CENPE: variants seen among roughly 807,000 people sequenced by gnomAD.
CENPE encodes centromere protein E.
In CENPE, 145 loss-of-function variants were observed where a neutral mutation model predicts 336.1. That is an observed-to-expected ratio of 0.43 (90% CI 0.38 to 0.50). CENPE has a LOEUF of 0.50. Ranked by LOEUF, CENPE falls within the 20% of genes least tolerant of loss-of-function variation. The probability of loss-of-function intolerance (pLI) is 0.00; values close to 1 mark genes in which losing one functional copy is unlikely to be tolerated. For missense variants in CENPE, 2,719 were observed against 3,023.3 expected (o/e 0.90, Z 2.36); for synonymous variants, 1,013 against 984.8 (o/e 1.03, Z -0.54).
At chr4:103,183,000 T>C (rs938681098) in intron 10 of CENPE, 109 bp from the exon 11 acceptor site, 20 of 1,188,710 alleles carry the variant, frequency 1.7e-5, no homozygotes, top group Non-Finnish European at 2.0e-5. Flanking sequence ...CAAAAATTAG[T>C]TTACAAGTTA....
Position 103,122,920 on chromosome 4 carries a change from T to C in CENPE, c.7094A>G (p.Asp2365Gly). 6.2e-7 allele frequency: 1 copy of C among 1,613,948 alleles called. No individual in the cohort carries two copies. Among genetic ancestry groups the C allele is most frequent in the Non-Finnish European group, 8.5e-7 (1 of 1,179,822 alleles). ...SGAQVNPTTQ[D>G]NKNPHVTSRA... ...TGATGTAACATGAGGATTCTTATTG[T>C]CTTGTGTGGTAGGATTAACCTGGGC... is the stretch of plus-strand genomic sequence containing the variant. Residue 2365 changes from aspartate (D) to glycine (G), a missense_variant, in exon 43 of 49, where the codon GAC becomes GGC. By Grantham distance (94) the Asp-to-Gly change is moderately conservative (BLOSUM62 -1). Around this residue, in one of 5 missense-constraint regions of CENPE, gnomAD observed 2,437 missense variants for 2,513.3 expected, o/e 0.97. Transcript: ENST00000265148.
chr4:103,108,934 T>C lies in CENPE; in HGVS notation c.7880A>G (p.Lys2627Arg), dbSNP rs1204012680. 1 of 1,613,832 alleles carries C rather than the reference T, an allele frequency of 6.2e-7. No homozygotes were observed. Among genetic ancestry groups the C allele is most frequent in the African/African-American group, 1.3e-5 (1 of 74,918 alleles). ...CACAGGATCTTGTAAATTCCGTTCCTTGCATTGAGAGGGTGTAATTTGTTT... is the reference window on the plus strand; with the variant it reads ...CACAGGATCTTGTAAATTCCGTTCCCTGCATTGAGAGGGTGTAATTTGTTT... ...KKKQITPSQCKERNLQDPVPK... is the reference protein window; with the variant it reads ...KKKQITPSQCRERNLQDPVPK... Residue 2627 changes from lysine (K) to arginine (R), a missense_variant, in exon 48 of 49, where the codon AAG becomes AGG. Physicochemically the swap from Lys to Arg is conservative, Grantham distance 26. Transcript: ENST00000265148.
At position 103,141,740 on chromosome 4, in the gene CENPE, A is replaced by T; in HGVS notation, c.5463+10T>A. 1.3e-6 allele frequency: 2 copies of T among 1,502,048 alleles called. No individual in the cohort carries two copies. Among genetic ancestry groups the T allele is most frequent in the South Asian group, 2.4e-5 (2 of 82,846 alleles). 93.0% of individuals were successfully genotyped at this position (1,502,048 alleles called of 1,614,324 possible). On this transcript the variant is annotated intron_variant, in intron 35 of 48. Coordinates refer to ENST00000265148, the MANE Select transcript of CENPE (RefSeq NM_001813.3). ...AGATATCCAATCAAACAATCCCCCC[A>T]TAAAAATACCTTTTCTTGTAATTTA...
rs900389839 is a variant in CENPE at position 103,176,994 on chromosome 4, T to C, written c.1295A>G (p.Lys432Arg). Reference sequence around the variant, plus strand: ...AAATTGATCTGCATAGTTTGAGTTCTTCATTTTGTTAATTTTGCCAAGGCA... The same window carrying C: ...AAATTGATCTGCATAGTTTGAGTTCCTCATTTTGTTAATTTTGCCAAGGCA... ...TWCLGKINKM[K>R]NSNYADQFNI... Residue 432 changes from lysine to arginine, a missense_variant, in exon 14 of 49, where the codon AAG becomes AGG. Transcript: ENST00000265148. The C allele has an allele frequency of 3.1e-6, 5 of 1,609,040 alleles. No homozygotes were observed.
intron 15 of CENPE, 87 bp from the exon 16 acceptor site, chr4:103,174,990 C>T (rs1755735618): frequency 5.2e-6 from 4 of 775,144 alleles, no homozygotes; most frequent in Non-Finnish European, 5.8e-6. Flanking sequence ...TAAATAACTA[C>T]TTTAACTTTG....
chr4:103,132,839 G>T lies in CENPE; in HGVS notation c.6778C>A (p.Gln2260Lys). The stretch of plus-strand genomic sequence containing the variant: ...ATTTCTTTCCTATTACTTAGTACTT[G>T]TTGAAATTCAGTCTTTATGCTAGGG... ...EFPSIKTEFQ[Q>K]VLSNRKEMTQ... is the part of the protein sequence containing the mutation. The change falls in exon 42 of 49, where the codon CAA (glutamine) becomes AAA (lysine). Residue 2260 changes from glutamine (Q) to lysine (K), a missense_variant. Gln to Lys is a moderately conservative substitution (Grantham distance 53, BLOSUM62 1). Around this residue, in one of 5 missense-constraint regions of CENPE, gnomAD observed 2,437 missense variants for 2,513.3 expected, o/e 0.97. Transcript: ENST00000265148. 6.4e-7 allele frequency: 1 copy of T among 1,568,750 alleles called. No individual in the cohort carries two copies. The highest frequency in any genetic ancestry group is 1.4e-5 in the African/African-American group (1 of 73,402).
At chr4:103,116,730 C>A (rs751637373) in intron 44 of CENPE, 41 bp from the exon 45 acceptor site, 1 of 1,042,738 alleles carries the variant, frequency 9.6e-7, no homozygotes, top group Non-Finnish European at 1.4e-6. Context: ...TTATTAGAGG[C>A]GCTTCAGTTT....
rs756045815 is a variant in CENPE, at chr4:103,180,469, C to G, written c.1084G>C (p.Val362Leu). Reference protein sequence around the residue: ...IMDLKKQLEEVSLETRAQAME... With the variant: ...IMDLKKQLEELSLETRAQAME... ...GCCTGAGCCCGCGTCTCTAAAGAAA[C>G]CTATAGAATGCAATATTGGATTATG... Residue 362 changes from valine (V) to leucine (L), a missense_variant and splice_region_variant, in exon 13 of 49, where the codon GTT (valine) becomes CTT (leucine). By Grantham distance (32) the Val-to-Leu change is conservative. This residue lies in a region of CENPE where 117 missense variants were observed against 215.8 expected (regional missense o/e 0.54). Transcript: ENST00000265148. The G allele has an allele frequency of 7.5e-6, 12 of 1,602,714 alleles. No homozygotes were observed. The highest frequency in any genetic ancestry group is 1.0e-5 in the Non-Finnish European group (12 of 1,173,622).
intron 28 of CENPE, 66 bp downstream of exon 28, chr4:103,148,760 CTAGCTACTTCTTACTGCT>C: frequency 7.9e-7 from 1 of 1,273,718 alleles, no homozygotes; most frequent in South Asian, 1.4e-5. Context: ...GAACCACATC[CTAGCTACTTCTTACTGCT>C]TATCTTTCCT....
At chr4:103,120,034 T>C in intron 44 of CENPE, 114 bp downstream of exon 44, 1 of 694,496 alleles carries the variant, frequency 1.4e-6, no homozygotes, top group South Asian at 2.1e-5. Flanking sequence ...CAGAAACACA[T>C]AGGTAACAGT....
rs375316490 is a variant in CENPE at position 103,196,038 on chromosome 4, C to A, written c.239G>T (p.Gly80Val). The stretch of plus-strand genomic sequence containing the variant: ...AGTCTGTCCATAGGCAAATATAGTA[C>A]CTGCAAAAAACAAAACACACATACG... The part of the protein sequence containing the change: ...IIDSAIQGYN[G>V]TIFAYGQTAS... The change falls in exon 4 of 49, where the codon GGT becomes GTT. Residue 80 changes from glycine to valine, a missense_variant and splice_region_variant. This residue lies in a region of CENPE where 106 missense variants were observed against 189.3 expected (regional missense o/e 0.56). Coordinates refer to ENST00000265148, the MANE Select transcript of CENPE (RefSeq NM_001813.3). 2 of 1,609,136 alleles carry A rather than the reference C, an allele frequency of 1.2e-6. No individual in the cohort carries two copies. Among genetic ancestry groups the A allele is most frequent in the Non-Finnish European group, 1.7e-6 (2 of 1,175,606 alleles).
In CENPE at chr4:103,156,973, G is replaced by A. The variant is rs192448667; in HGVS notation, c.3033+1327C>T. Among the ~76,000 whole-genome samples, 1,021 of 146,276 alleles carry A rather than the reference G, an allele frequency of 7.0e-3. 8 individuals carry two copies. Among genetic ancestry groups the A allele is most frequent in the South Asian group, 0.032 (151 of 4,696 alleles). The stretch of plus-strand genomic sequence containing the variant: ...ATAAACAAATGGCCAAAAAGCACAC[G>A]AAGATTCAACATCACTAATCATTAG... On this transcript the variant is annotated intron_variant, in intron 24 of 48. Transcript: ENST00000265148.
chr4:103,196,142 C>A, intron 3 of CENPE, 21 bp downstream of exon 3: 1 of 1,603,438 alleles, frequency 6.2e-7, no homozygotes, highest in Non-Finnish European at 8.5e-7. Context: ...AATGTTTCTG[C>A]AGCATTGAGT....
chr4:103,128,126 T>G (rs1297637946), intron 42 of CENPE, among the ~76,000 whole-genome samples: 7 of 152,092 alleles, frequency 4.6e-5, no homozygotes, highest in African/African-American at 1.7e-4. Flanking sequence ...GTAGTGATAT[T>G]AATTTCACAC....
chr4:103,105,900 T>C lies in CENPE; in HGVS notation c.*322A>G, dbSNP rs1032461208. On this transcript the variant is annotated 3_prime_UTR_variant, in exon 49 of 49. Transcript: ENST00000265148. ...AAATGATGTTTTATATTAATGTATG[T>C]ATTATGCTTTGGAATATGCTAAGTC... 1.7e-5 allele frequency: 3 copies of C among 174,408 alleles called. No homozygotes were observed. Among genetic ancestry groups the C allele is most frequent in the African/African-American group, 7.1e-5 (3 of 42,398 alleles). 10.8% of individuals were successfully genotyped at this position (174,408 alleles called of 1,614,324 possible). A position where few individuals can be genotyped will look rare whatever the true frequency, so the allele number is the denominator to read the frequency against.
chr4:103,123,879 G>A (rs565262801), intron 42 of CENPE, among the ~76,000 whole-genome samples: 2 of 152,300 alleles, frequency 1.3e-5, no homozygotes, highest in East Asian at 3.9e-4. Context: ...AGTAGTCTAA[G>A]ACTATATCAA....
rs1753169735 is a variant in CENPE, at chr4:103,147,624, T to C, written c.3866A>G (p.Gln1289Arg). 1.9e-6 allele frequency: 3 copies of C among 1,612,376 alleles called. No homozygotes were observed. The highest frequency in any genetic ancestry group is 1.7e-5 in the Admixed American group (1 of 59,992). ...QEEIPVLHEE[Q>R]ELLPNVKEVS... Reference sequence around the variant, plus strand: ...TTCTTTCACATTAGGCAGTAACTCTTGTTCCTCATGAAGCACTGGGATCTT... The same window carrying C: ...TTCTTTCACATTAGGCAGTAACTCTCGTTCCTCATGAAGCACTGGGATCTT... Residue 1289 changes from glutamine (Q) to arginine (R), a missense_variant, in exon 29 of 49, where the codon CAA (glutamine) becomes CGA (arginine). This residue lies in a region of CENPE where 2,437 missense variants were observed against 2,513.3 expected (regional missense o/e 0.97). Coordinates refer to ENST00000265148, the MANE Select transcript of CENPE (RefSeq NM_001813.3).
intron 16 of CENPE, among the ~76,000 whole-genome samples, chr4:103,164,768 A>G (rs1006000088): frequency 6.6e-6 from 1 of 152,132 alleles, no homozygotes; most frequent in Non-Finnish European, 1.5e-5. Context: ...TAATTGCCAC[A>G]TATGGTTAGT....
chr4:103,117,696 C>T (rs549540972), intron 44 of CENPE, among the ~76,000 whole-genome samples: 111 of 145,142 alleles, frequency 7.6e-4, no homozygotes, highest in African/African-American at 2.5e-3. Flanking sequence ...GGTGCGATCT[C>T]GGCTCACTGC....
Sources: allele counts gnomAD v4.1 joint callset (sites outside exome capture counted in the v4.1 genomes callset), GRCh38; gene constraint gnomAD v4.1.1; regional missense constraint gnomAD v4.1.1; transcripts MANE v1.5; gene names NCBI Gene and HGNC (gene_info 2026-07-23, HGNC 2026-07-21).